Variants in DOCK8 observed in about 807,000 individuals in gnomAD.
DOCK8 encodes dedicator of cytokinesis 8.
DOCK8 carries 141 observed loss-of-function variants against 245.6 expected under a neutral mutation model. That is an observed-to-expected ratio of 0.57 (90% CI 0.50 to 0.66). DOCK8 has a LOEUF of 0.66. Among genes scored for constraint, DOCK8 ranks in the 30% least tolerant of loss-of-function variants. The pLI, the probability that DOCK8 is intolerant of heterozygous loss-of-function variation, is 0.00. For synonymous variants in DOCK8, 1,168 were observed against 970.2 expected (o/e 1.20, Z -3.79); for missense variants, 2,965 against 2,603.4 (o/e 1.14, Z -3.02).
chr9:349,457 A>T (rs1466602167), intron 14 of DOCK8, among the ~76,000 whole-genome samples: 1 of 152,246 alleles, frequency 6.6e-6, no homozygotes, highest in African/African-American at 2.4e-5. Context: ...ATAACGGCTC[A>T]TTTTAATGAT....
chr9:403,922 A>ACGTG (rs2055258517), intron 26 of DOCK8, among the ~76,000 whole-genome samples: 2 of 79,472 alleles, frequency 2.5e-5, no homozygotes, highest in African/African-American at 8.0e-5. Context: ...ATATACATAT[A>ACGTG]TATATATGTG....
upstream of DOCK8, chr9:214,428 T>C (rs1563810849): frequency 1.0e-5 from 15 of 1,441,186 alleles, no homozygotes; most frequent in Non-Finnish European, 1.4e-5. Context: ...ATTTGAATCC[T>C]GATAGATTCC....
upstream of DOCK8, among the ~76,000 whole-genome samples, chr9:212,601 C>G (rs1350405030): frequency 6.6e-6 from 1 of 152,234 alleles, no homozygotes; most frequent in Non-Finnish European, 1.5e-5. Flanking sequence ...TAATGGATAA[C>G]ACATTCATGG....
chr9:359,115 T>C (rs527805324), intron 14 of DOCK8, among the ~76,000 whole-genome samples: 19 of 152,340 alleles, frequency 1.2e-4, no homozygotes, highest in African/African-American at 4.1e-4. Flanking sequence ...ATGCTGACGC[T>C]GACGTTGATG....
intron 2 of DOCK8, among the ~76,000 whole-genome samples, chr9:285,829 C>T (rs2048801899): frequency 6.6e-6 from 1 of 152,082 alleles, no homozygotes; most frequent in African/African-American, 2.4e-5. Flanking sequence ...CCTGAGTTTC[C>T]TTGCGTAGCT....
intron 10 of DOCK8, among the ~76,000 whole-genome samples, chr9:333,416 A>C (rs57410286): frequency 1.3e-5 from 2 of 152,088 alleles, no homozygotes; most frequent in Non-Finnish European, 2.9e-5. Flanking sequence ...CCTGGCCAAC[A>C]CGGTGAAACC....
upstream of DOCK8, among the ~76,000 whole-genome samples, chr9:212,365 AAAAC>A (rs1162339865): frequency 1.2e-4 from 19 of 152,194 alleles, no homozygotes; most frequent in Non-Finnish European, 1.8e-4. Flanking sequence ...ATAAAGGTGA[AAAAC>A]AAAATTGAAT....
Position 371,413 on chromosome 9 carries a change from G to A in DOCK8, c.1869-15G>A. On this transcript the variant is annotated splice_polypyrimidine_tract_variant and intron_variant, in intron 16 of 47. Coordinates refer to ENST00000432829, the MANE Select transcript of DOCK8 (RefSeq NM_203447.4). ...TTGCTAAAAGTTATTTGTGTATAAT[G>A]TGCTTTTGAAACAGGTCTCCTGACT... is the stretch of plus-strand genomic sequence containing the variant. 1 of 1,614,152 alleles carries A rather than the reference G, an allele frequency of 6.2e-7. No homozygotes were observed. Among genetic ancestry groups the A allele is most frequent in the Non-Finnish European group, 8.5e-7 (1 of 1,180,010 alleles).
intron 1 of DOCK8, among the ~76,000 whole-genome samples, chr9:232,871 A>G (rs890133185): frequency 6.6e-6 from 1 of 152,066 alleles, no homozygotes; most frequent in African/African-American, 2.4e-5. Flanking sequence ...TAATTTTTTG[A>G]AGGGTTTTTT....
chr9:339,888 T>C (rs2051496305), intron 13 of DOCK8, among the ~76,000 whole-genome samples: 1 of 152,174 alleles, frequency 6.6e-6, no homozygotes, highest in Non-Finnish European at 1.5e-5. Flanking sequence ...AAAATTATAC[T>C]GTGGTAATTC....
chr9:288,796 A>G (rs1010438202), intron 3 of DOCK8, among the ~76,000 whole-genome samples: 7 of 152,226 alleles, frequency 4.6e-5, no homozygotes, highest in Non-Finnish European at 1.0e-4. Context: ...TAACCTTTAC[A>G]ATATTTTATC....
chr9:418,039 T>C (rs984754692), intron 29 of DOCK8, 29 bp from the exon 30 acceptor site: 2 of 1,613,930 alleles, frequency 1.2e-6, no homozygotes, highest in East Asian at 2.2e-5. Context: ...ATGTTTGACT[T>C]GACATCACAA....
intron 8 of DOCK8, among the ~76,000 whole-genome samples, chr9:327,111 T>C (rs1171139967): frequency 6.6e-6 from 1 of 152,108 alleles, no homozygotes; most frequent in Admixed American, 6.5e-5. Context: ...CTATGCAGAG[T>C]CAAGCTAGAC....
chr9:278,149 A>C (rs1273877202), intron 2 of DOCK8, among the ~76,000 whole-genome samples: 1 of 152,060 alleles, frequency 6.6e-6, no homozygotes, highest in Non-Finnish European at 1.5e-5. Context: ...CTGCACACAG[A>C]GCAGACGTTT....
chr9:343,599 C>T (rs1397362385), intron 14 of DOCK8, among the ~76,000 whole-genome samples: 1 of 152,114 alleles, frequency 6.6e-6, no homozygotes, highest in Non-Finnish European at 1.5e-5. Context: ...ACTTATTTCC[C>T]CATTTAATCC....
At chr9:403,244 G>T (rs1003735265) in intron 26 of DOCK8, among the ~76,000 whole-genome samples, 2 of 152,138 alleles carry the variant, frequency 1.3e-5, no homozygotes, top group Admixed American at 6.5e-5. Flanking sequence ...ACCCATAGTG[G>T]GGCCTTCTTT....
intron 21 of DOCK8, 86 bp from the exon 22 acceptor site, chr9:382,426 AC>A: frequency 6.3e-7 from 1 of 1,579,148 alleles, no homozygotes; most frequent in Non-Finnish European, 8.7e-7. Context: ...CTTTTCATCC[AC>A]CCTATCCCTC....
intron 3 of DOCK8, among the ~76,000 whole-genome samples, chr9:287,779 C>G (rs531191398): frequency 4.9e-4 from 74 of 152,256 alleles, no homozygotes; most frequent in African/African-American, 1.5e-3. Context: ...AAGTTAACAC[C>G]TACTATTTCA....
At chr9:372,376 T>A in intron 18 of DOCK8, 90 bp downstream of exon 18, 1 of 1,021,868 alleles carries the variant, frequency 9.8e-7, no homozygotes, top group Non-Finnish European at 1.5e-6. Flanking sequence ...CATGTGGCCA[T>A]GGATGTTCAT....
Sources: allele counts gnomAD v4.1 joint callset (sites outside exome capture counted in the v4.1 genomes callset), GRCh38; gene constraint gnomAD v4.1.1; transcripts MANE v1.5; gene names NCBI Gene and HGNC (gene_info 2026-07-23, HGNC 2026-07-21).